MBD5: variants seen among roughly 807,000 people sequenced by gnomAD.
MBD5 encodes methyl-CpG-binding domain protein 5.
MBD5 carries 13 observed loss-of-function variants against 117.3 expected under a neutral mutation model. That is an observed-to-expected ratio of 0.11 (90% CI 0.07 to 0.18). MBD5 has a LOEUF of 0.18. MBD5 is among the 10% of genes least tolerant of loss of function. The pLI, the probability that MBD5 is intolerant of heterozygous loss-of-function variation, is 1.00. For missense variants in MBD5, 1,879 were observed against 2,093.8 expected (o/e 0.90, Z 2.00); for synonymous variants, 727 against 766.4 (o/e 0.95, Z 0.85).
intron 3 of MBD5, chr2:148,243,741 C>T (rs529138782): frequency 5.9e-5 from 9 of 152,090 alleles, no homozygotes; most frequent in African/African-American, 1.9e-4. Flanking sequence ...TTATGACCAA[C>T]GCTCCAGGCT....
chr2:148,432,878 A>C (rs1022156303), intron 4 of MBD5, among the ~76,000 whole-genome samples: 2 of 152,088 alleles, frequency 1.3e-5, no homozygotes, highest in African/African-American at 4.8e-5. Context: ...ATGAATTTTA[A>C]AATAGTTTTT....
At chr2:148,446,703 A>C (rs1706543522) in intron 4 of MBD5, among the ~76,000 whole-genome samples, 2 of 151,898 alleles carry the variant, frequency 1.3e-5, no homozygotes, top group African/African-American at 2.4e-5. Context: ...GAAATCCATC[A>C]AATAATCAGA....
intron 1 of MBD5, among the ~76,000 whole-genome samples, chr2:148,060,495 C>A (rs1695007247): frequency 1.3e-5 from 2 of 152,056 alleles, no homozygotes; most frequent in African/African-American, 4.8e-5. Context: ...ATGTTGCATA[C>A]ACTGTAAACT....
intron 1 of MBD5, among the ~76,000 whole-genome samples, chr2:148,172,725 G>T (rs967164157): frequency 2.0e-5 from 3 of 152,110 alleles, no homozygotes; most frequent in Non-Finnish European, 2.9e-5. Context: ...ACCCGCCATG[G>T]CTGCCCATGG....
chr2:148,021,801 T>TG lies in MBD5; in HGVS notation c.-925+125dup, dbSNP rs544632790. ...CTCCGGGGTGAGGAGGGGGTGGTGC[T>TG]GGGGGGGGTGAAGGAGGGGTTGGAG... On this transcript the variant is annotated intron_variant, in intron 1 of 13. Transcript: ENST00000642680. 431 of 50,686 alleles carry TG rather than the reference T, an allele frequency of 8.5e-3. 3 individuals are homozygous for TG. Among genetic ancestry groups the TG allele is most frequent in the East Asian group, 0.06 (117 of 1,948 alleles). The allele number at this position is 50,686 out of a possible 1,614,324, so 3.1% of individuals were successfully genotyped here.
At chr2:148,025,347 GTTATT>G (rs1472103152) in intron 1 of MBD5, 1 of 152,056 alleles carries the variant, frequency 6.6e-6, no homozygotes, top group Admixed American at 6.5e-5. Flanking sequence ...AGATATTGCT[GTTATT>G]TTATTAAAAT....
chr2:148,154,314 G>C (rs1697793246), intron 1 of MBD5, among the ~76,000 whole-genome samples: 1 of 151,968 alleles, frequency 6.6e-6, no homozygotes, highest in African/African-American at 2.4e-5. Context: ...TGTGTGCTGG[G>C]AGAACCACTG....
chr2:148,206,725 A>G (rs1699291245), intron 2 of MBD5, among the ~76,000 whole-genome samples: 1 of 152,228 alleles, frequency 6.6e-6, no homozygotes. Flanking sequence ...AAATGTCAAA[A>G]CATAAAGATG....
chr2:148,501,297 T>C (rs1432148708), intron 11 of MBD5, among the ~76,000 whole-genome samples: 1 of 152,212 alleles, frequency 6.6e-6, no homozygotes, highest in Non-Finnish European at 1.5e-5. Flanking sequence ...TTGATAATCA[T>C]TTCCTTGCTT....
intron 8 of MBD5, among the ~76,000 whole-genome samples, chr2:148,478,800 T>A (rs1681052993): frequency 6.6e-6 from 1 of 152,198 alleles, no homozygotes; most frequent in Non-Finnish European, 1.5e-5. Flanking sequence ...AGTAAAGGAC[T>A]TCTCCAGCTT....
At chr2:148,199,377 T>A (rs1699077543) in intron 2 of MBD5, among the ~76,000 whole-genome samples, 3 of 152,132 alleles carry the variant, frequency 2.0e-5, no homozygotes, top group African/African-American at 7.2e-5. Flanking sequence ...TAACAGTAAT[T>A]TTCATATTAA....
At chr2:148,078,547 G>A (rs567827384) in intron 1 of MBD5, among the ~76,000 whole-genome samples, 20 of 152,164 alleles carry the variant, frequency 1.3e-4, no homozygotes, top group African/African-American at 4.1e-4. Flanking sequence ...CCTTTTCCTT[G>A]TATAGTCATT....
intron 1 of MBD5, among the ~76,000 whole-genome samples, chr2:148,047,596 A>G (rs1263374187): frequency 6.6e-6 from 1 of 152,222 alleles, no homozygotes. Flanking sequence ...CACTAGGGGT[A>G]CAAAGATGAA....
At chr2:148,431,987 T>G (rs1349891102) in intron 4 of MBD5, among the ~76,000 whole-genome samples, 1 of 151,880 alleles carries the variant, frequency 6.6e-6, no homozygotes, top group Non-Finnish European at 1.5e-5. Flanking sequence ...CTGAACCAAT[T>G]TATACTCCCG....
At chr2:148,107,299 A>G (rs1223393753) in intron 1 of MBD5, among the ~76,000 whole-genome samples, 1 of 151,874 alleles carries the variant, frequency 6.6e-6, no homozygotes, top group Non-Finnish European at 1.5e-5. Flanking sequence ...TTTCCCTTTG[A>G]GATCTTTTAC....
At chr2:148,320,189 A>G (rs973095202) in intron 3 of MBD5, among the ~76,000 whole-genome samples, 2 of 152,130 alleles carry the variant, frequency 1.3e-5, no homozygotes, top group Non-Finnish European at 2.9e-5. Context: ...CATCAGGAAT[A>G]TTGGTCTGTA....
chr2:148,407,461 A>G (rs985348548), intron 4 of MBD5, among the ~76,000 whole-genome samples: 4 of 152,078 alleles, frequency 2.6e-5, no homozygotes, highest in African/African-American at 9.7e-5. Context: ...AACATAATTT[A>G]TATAGTAGTA....
At chr2:148,212,382 C>G (rs1348351196) in intron 2 of MBD5, among the ~76,000 whole-genome samples, 1 of 152,170 alleles carries the variant, frequency 6.6e-6, no homozygotes, top group Non-Finnish European at 1.5e-5. Flanking sequence ...CAAGGCTCAT[C>G]TGTGTTGCAG....
chr2:148,166,871 C>T (rs1698136208), intron 1 of MBD5, among the ~76,000 whole-genome samples: 2 of 151,992 alleles, frequency 1.3e-5, no homozygotes, highest in African/African-American at 4.8e-5. Flanking sequence ...TATGTAACTA[C>T]TAATTGCATT....
Sources: allele counts gnomAD v4.1 joint callset (sites outside exome capture counted in the v4.1 genomes callset), GRCh38; gene constraint gnomAD v4.1.1; transcripts MANE v1.5; gene names NCBI Gene and HGNC (gene_info 2026-07-23, HGNC 2026-07-21).